SLC9A9: variants seen among roughly 807,000 people sequenced by gnomAD.
The protein encoded by SLC9A9 is solute carrier family 9 member A9.
SLC9A9 carries 62 observed loss-of-function variants against 77.8 expected under a neutral mutation model. The observed-to-expected ratio is 0.80, with a 90% CI of 0.65 to 0.98. SLC9A9 has a LOEUF of 0.98. Ranked by LOEUF, SLC9A9 falls within the 50% of genes least tolerant of loss-of-function variation. The pLI, the probability that SLC9A9 is intolerant of heterozygous loss-of-function variation, is 0.00. For missense variants in SLC9A9, 775 were observed against 774.9 expected, an observed-to-expected ratio of 1.00 and a Z score of 0.00; for synonymous variants, 320 against 283.5, an observed-to-expected ratio of 1.13 and a Z score of -1.29.
At chr3:143,761,410 A>C (rs1005308284) in intron 4 of SLC9A9, among the ~76,000 whole-genome samples, 7 of 152,208 alleles carry the variant, frequency 4.6e-5, no homozygotes, top group African/African-American at 1.4e-4. Flanking sequence ...CAGGCAACCT[A>C]CAGAATGGGA....
Position 143,746,543 on chromosome 3 carries a change from AT to A in SLC9A9, c.533+48457del, listed in dbSNP as rs1935201215. Among the ~76,000 whole-genome samples, 6 of 152,322 alleles carry A rather than the reference AT, an allele frequency of 3.9e-5. No homozygotes were observed. The South Asian group carries it at 1.2e-3, about 32-fold the overall frequency. ...TCCAAAACCTAGCTCAGTGCCTGGA[AT>A]CTAGAGGTCTCTCAATCAATGTGTT... is the stretch of plus-strand genomic sequence containing the variant. On this transcript the variant is annotated intron_variant, in intron 4 of 15. Coordinates refer to ENST00000316549, the MANE Select transcript of SLC9A9 (RefSeq NM_173653.4).
At chr3:143,652,155 AG>A (rs2038807191) in intron 6 of SLC9A9, 99 bp downstream of exon 6, 1 of 963,566 alleles carries the variant, frequency 1.0e-6, no homozygotes, top group Non-Finnish European at 1.6e-6. Context: ...CCTTGAAAAA[AG>A]CTAGAGACTG....
At chr3:143,273,199 G>A (rs568657830) in intron 14 of SLC9A9, among the ~76,000 whole-genome samples, 7 of 152,274 alleles carry the variant, frequency 4.6e-5, no homozygotes, top group African/African-American at 1.4e-4. Context: ...AAACCCCAAC[G>A]ATCCAGCTCC....
intron 11 of SLC9A9, 63 bp from the exon 12 acceptor site, chr3:143,467,253 T>C (rs2035297726): frequency 6.3e-7 from 1 of 1,594,990 alleles, no homozygotes; most frequent in African/African-American, 1.3e-5. Flanking sequence ...TTTCAATGGA[T>C]TCATCTTTAC....
intron 6 of SLC9A9, among the ~76,000 whole-genome samples, chr3:143,582,918 G>T (rs1290151749): frequency 6.6e-6 from 1 of 152,122 alleles, no homozygotes; most frequent in Non-Finnish European, 1.5e-5. Flanking sequence ...AGGCCGAGGT[G>T]GGTGGATTTT....
At chr3:143,841,659 C>T (rs1027144233) in intron 1 of SLC9A9, among the ~76,000 whole-genome samples, 2 of 152,294 alleles carry the variant, frequency 1.3e-5, no homozygotes, top group Admixed American at 1.3e-4. Context: ...CGAGGCACCA[C>T]AGTAGTTTGC....
chr3:143,461,971 G>T (rs1213045606), intron 12 of SLC9A9, among the ~76,000 whole-genome samples: 1 of 152,112 alleles, frequency 6.6e-6, no homozygotes, highest in African/African-American at 2.4e-5. Context: ...TGTGATGGCT[G>T]TTATCTTAAA....
intron 12 of SLC9A9, among the ~76,000 whole-genome samples, chr3:143,406,978 G>GAAAAAAAAAAAAA (rs57344964): frequency 1.4e-5 from 1 of 69,392 alleles, no homozygotes; most frequent in Non-Finnish European, 2.8e-5. Context: ...TCCATCTCGA[G>GAAAAAAAAAAAAA]AAAAAAAAAA....
chr3:143,339,914 T>C lies in SLC9A9; in HGVS notation c.1604+23570A>G, dbSNP rs146653308. On this transcript the variant is annotated intron_variant, in intron 14 of 15. Transcript: ENST00000316549. ...ACTGCCCGAATGATGGGGTGTGCTATGTACAATTATGGCTTCCAAAAGGTA... is the reference window on the plus strand; with the variant it reads ...ACTGCCCGAATGATGGGGTGTGCTACGTACAATTATGGCTTCCAAAAGGTA... Among the ~76,000 whole-genome samples the C allele has an allele frequency of 6.0e-4, 92 of 152,326 alleles. 1 individual carries two copies. The East Asian group carries it at 0.018, about 29-fold the overall frequency.
chr3:143,340,543 T>C (rs2032065968), intron 14 of SLC9A9, among the ~76,000 whole-genome samples: 1 of 152,210 alleles, frequency 6.6e-6, no homozygotes, highest in Non-Finnish European at 1.5e-5. Flanking sequence ...GCAACCACTC[T>C]ATAGCTAGTG....
intron 6 of SLC9A9, among the ~76,000 whole-genome samples, chr3:143,637,847 G>A (rs2038551047): frequency 6.6e-6 from 1 of 152,016 alleles, no homozygotes; most frequent in Non-Finnish European, 1.5e-5. Context: ...CTTCTCCATG[G>A]AGAAGTAAAA....
At chr3:143,784,116 G>T (rs1056232638) in intron 4 of SLC9A9, among the ~76,000 whole-genome samples, 1 of 152,164 alleles carries the variant, frequency 6.6e-6, no homozygotes, top group Admixed American at 6.5e-5. Context: ...CACATTCTCT[G>T]CATCACTAAT....
intron 2 of SLC9A9, among the ~76,000 whole-genome samples, chr3:143,804,786 A>C (rs2121773): frequency 0.99 from 150,497 of 152,242 alleles, 74,394 homozygotes; most frequent in East Asian, 1. Flanking sequence ...CTATTGCTCT[A>C]GGTACTGGAA....
At chr3:143,838,226 A>G (rs997486563) in intron 1 of SLC9A9, among the ~76,000 whole-genome samples, 13 of 152,180 alleles carry the variant, frequency 8.5e-5, no homozygotes, top group Non-Finnish European at 1.8e-4. Flanking sequence ...AACTTAATAG[A>G]AGAGGTTCTC....
intron 12 of SLC9A9, among the ~76,000 whole-genome samples, chr3:143,440,203 T>C (rs900534350): frequency 1.3e-5 from 2 of 152,196 alleles, no homozygotes; most frequent in African/African-American, 2.4e-5. Context: ...GAGACCCACC[T>C]AGGGATTTTA....
At chr3:143,766,663 A>C (rs2007328872) in intron 4 of SLC9A9, among the ~76,000 whole-genome samples, 1 of 151,750 alleles carries the variant, frequency 6.6e-6, no homozygotes, top group Admixed American at 6.6e-5. Context: ...TCTGTCTCCC[A>C]GGTTCAAGTG....
rs564471096 is a variant in SLC9A9 at position 143,797,489 on chromosome 3, C to T, written c.379-586G>A. ...AGCTAAGCCATCATATCCCCTGTGA[C>T]CTGCATGGACCAGATGGCCCAAAGC... On this transcript the variant is annotated intron_variant, in intron 2 of 15. Coordinates refer to ENST00000316549, the MANE Select transcript of SLC9A9 (RefSeq NM_173653.4). Among the ~76,000 whole-genome samples, 79 of 152,270 alleles carry T rather than the reference C, an allele frequency of 5.2e-4. No homozygotes were observed. The South Asian group carries it at 0.013, about 26-fold the overall frequency.
intron 12 of SLC9A9, among the ~76,000 whole-genome samples, chr3:143,395,731 A>T (rs1285591466): frequency 3.9e-5 from 6 of 152,180 alleles, no homozygotes; most frequent in Non-Finnish European, 8.8e-5. Flanking sequence ...GAATCTACAA[A>T]GAACTCAAAC....
At position 143,448,893 on chromosome 3, in the gene SLC9A9, TATAATATATAATATGATATATA is replaced by T. The variant is rs2034898221; in HGVS notation, c.1469+18122_1469+18143del. Among the ~76,000 whole-genome samples the T allele has an allele frequency of 6.2e-5, 2 of 32,168 alleles. 1 individual carries two copies. The highest frequency in any genetic ancestry group is 8.4e-4 in the African/African-American group (2 of 2,368). The allele number at this position is 32,168 out of a possible 152,430, so 21.1% of individuals were successfully genotyped here. A position where few individuals can be genotyped will look rare whatever the true frequency, so the allele number is the denominator to read the frequency against. ...ATATAATATGATATATATTATATAT[TATAATATATAATATGATATATA>T]TTATATATTATAATATATAATATGA... On this transcript the variant is annotated intron_variant, in intron 12 of 15. Coordinates refer to ENST00000316549, the MANE Select transcript of SLC9A9 (RefSeq NM_173653.4).
Sources: allele counts gnomAD v4.1 joint callset (sites outside exome capture counted in the v4.1 genomes callset), GRCh38; gene constraint gnomAD v4.1.1; transcripts MANE v1.5; gene names NCBI Gene and HGNC (gene_info 2026-07-23, HGNC 2026-07-21).